GRK5: variants seen among roughly 807,000 people sequenced by gnomAD.
GRK5 encodes g protein-coupled receptor kinase GRK5.
GRK5 carries 40 observed loss-of-function variants against 78.4 expected under a neutral mutation model. The observed-to-expected ratio is 0.51, with a 90% CI of 0.40 to 0.66. GRK5 has a LOEUF of 0.66. Among genes scored for constraint, GRK5 ranks in the 30% least tolerant of loss-of-function variants. The pLI is 0.00. For missense variants in GRK5, 598 were observed against 759.9 expected (o/e 0.79, Z 2.50); for synonymous variants, 289 against 296.8 (o/e 0.97, Z 0.27).
At chr10:119,249,396 GTTAC>G (rs1416879399) in intron 1 of GRK5, among the ~76,000 whole-genome samples, 1 of 152,170 alleles carries the variant, frequency 6.6e-6, no homozygotes, top group Non-Finnish European at 1.5e-5. Context: ...GCTTATCTAA[GTTAC>G]TTAGTACATA....
At chr10:119,261,459 C>T (rs563218657) in intron 1 of GRK5, among the ~76,000 whole-genome samples, 16 of 151,372 alleles carry the variant, frequency 1.1e-4, no homozygotes, top group Admixed American at 4.6e-4. Flanking sequence ...AGACGATGGG[C>T]GGCCAGGCAG....
chr10:119,320,019 A>G (rs562343041), intron 1 of GRK5, among the ~76,000 whole-genome samples: 1 of 152,308 alleles, frequency 6.6e-6, no homozygotes, highest in African/African-American at 2.4e-5. Flanking sequence ...CTGGGAGAGG[A>G]TGTGATCCAG....
chr10:119,251,221 A>G (rs1351402071), intron 1 of GRK5, among the ~76,000 whole-genome samples: 1 of 152,196 alleles, frequency 6.6e-6, no homozygotes, highest in Non-Finnish European at 1.5e-5. Flanking sequence ...TTTACAAGGA[A>G]TGTGAACCAT....
rs369987575 is a variant in GRK5 at position 119,207,984 on chromosome 10, C to T, written c.52+15C>T. 3.1e-6 allele frequency: 5 copies of T among 1,600,822 alleles called. No individual in the cohort carries two copies. In the African/African-American group the frequency reaches 6.8e-5, roughly 22 times the overall value. On this transcript the variant is annotated intron_variant, in intron 1 of 15. Coordinates refer to ENST00000392870, the MANE Select transcript of GRK5 (RefSeq NM_005308.3). ...AGCCAGGGAAGGTAAGAGGCAGGGCCGGTACGTGCCCGGCGCGTCCGCCGC... is the reference window on the plus strand; with the variant it reads ...AGCCAGGGAAGGTAAGAGGCAGGGCTGGTACGTGCCCGGCGCGTCCGCCGC...
chr10:119,232,605 G>A (rs545363642), intron 1 of GRK5, among the ~76,000 whole-genome samples: 203 of 152,230 alleles, frequency 1.3e-3, no homozygotes, highest in African/African-American at 4.6e-3. Context: ...TGCTGTTCTC[G>A]TGATAGTAAG....
intron 2 of GRK5, among the ~76,000 whole-genome samples, chr10:119,337,160 G>A (rs1383499956): frequency 3.9e-5 from 6 of 152,010 alleles, no homozygotes; most frequent in African/African-American, 1.4e-4. Context: ...TTTATATTTG[G>A]GCTTCCGTGT....
In GRK5 at chr10:119,241,785, G is replaced by T. The variant is rs76883959; in HGVS notation, c.52+33816G>T. Among the ~76,000 whole-genome samples, 753 of 152,322 alleles carry T rather than the reference G, an allele frequency of 4.9e-3. 5 individuals are homozygous for T. The highest frequency in any genetic ancestry group is 0.017 in the African/African-American group (716 of 41,568). The stretch of plus-strand genomic sequence containing the variant: ...GCCCTCTTAGGTTCATTGGTTGGGG[G>T]TTACAAATGAAGTTGACAAAAGATT... On this transcript the variant is annotated intron_variant, in intron 1 of 15. Coordinates refer to ENST00000392870, the MANE Select transcript of GRK5 (RefSeq NM_005308.3).
chr10:119,436,740 C>A lies in GRK5; in HGVS notation c.828C>A (p.Tyr276Ter). ...MNGGDLKFHI[Y>*]NMGNPGFEEE... ...GGGGTGACCTGAAGTTCCACATCTA[C>A]AACATGGGCAACCCTGGCTTCGAGG... The change falls in exon 9 of 16, where the codon TAC becomes TAA. Residue 276 changes from tyrosine to a stop codon, truncating the protein, a stop_gained. Coordinates refer to ENST00000392870, the MANE Select transcript of GRK5 (RefSeq NM_005308.3). LOFTEE classifies it high-confidence loss of function. 1 of 1,614,234 alleles carries A rather than the reference C, an allele frequency of 6.2e-7. No individual in the cohort carries two copies. Among genetic ancestry groups the A allele is most frequent in the South Asian group, 1.1e-5 (1 of 91,082 alleles).
At chr10:119,305,894 T>G (rs1432441484) in intron 1 of GRK5, among the ~76,000 whole-genome samples, 2 of 152,152 alleles carry the variant, frequency 1.3e-5, no homozygotes, top group Non-Finnish European at 2.9e-5. Context: ...GCAGAGGAAA[T>G]GACATATGCA....
chr10:119,262,984 TTACTATATCTC>T, intron 1 of GRK5, among the ~76,000 whole-genome samples: 1 of 152,200 alleles, frequency 6.6e-6, no homozygotes, highest in Admixed American at 6.5e-5. Flanking sequence ...GAAATATTTC[TTACTATATCTC>T]TTGGAGATTC....
At chr10:119,249,578 A>C (rs141350517) in intron 1 of GRK5, among the ~76,000 whole-genome samples, 3 of 152,032 alleles carry the variant, frequency 2.0e-5, no homozygotes, top group Admixed American at 6.5e-5. Context: ...GCTCACTGCA[A>C]TCTCCATCTC....
chr10:119,326,144 C>A (rs1850673253), intron 1 of GRK5, among the ~76,000 whole-genome samples: 1 of 152,260 alleles, frequency 6.6e-6, no homozygotes, highest in African/African-American at 2.4e-5. Context: ...GTGCCTCTGC[C>A]CCACAGGGAT....
intron 3 of GRK5, among the ~76,000 whole-genome samples, chr10:119,389,325 G>A (rs1851848825): frequency 6.6e-6 from 1 of 152,172 alleles, no homozygotes; most frequent in African/African-American, 2.4e-5. Flanking sequence ...TGCTTCTCTT[G>A]TTTATGAGAA....
intron 2 of GRK5, chr10:119,334,657 A>T (rs1381536799): frequency 6.6e-6 from 1 of 152,122 alleles, no homozygotes; most frequent in Non-Finnish European, 1.5e-5. Context: ...TGGCATTTTT[A>T]TTTATTTAGC....
intron 1 of GRK5, among the ~76,000 whole-genome samples, chr10:119,325,021 T>TGAGAG (rs1850650045): frequency 6.6e-6 from 1 of 152,140 alleles, no homozygotes; most frequent in South Asian, 2.1e-4. Flanking sequence ...GAAGATGCAA[T>TGAGAG]GAGAGGAGAG....
At chr10:119,275,611 T>TCTCTCTCA in intron 1 of GRK5, among the ~76,000 whole-genome samples, 1 of 123,966 alleles carries the variant, frequency 8.1e-6, no homozygotes, top group African/African-American at 3.5e-5. Flanking sequence ...TCTCTCTCTC[T>TCTCTCTCA]CGCACACACA....
chr10:119,374,191 G>C lies in GRK5; in HGVS notation c.149-6624G>C, dbSNP rs565594613. Among the ~76,000 whole-genome samples, 25 of 152,330 alleles carry C rather than the reference G, an allele frequency of 1.6e-4. No homozygotes were observed. In the South Asian group the frequency reaches 5.0e-3, roughly 30 times the overall value. On this transcript the variant is annotated intron_variant, in intron 2 of 15. Coordinates refer to ENST00000392870, the MANE Select transcript of GRK5 (RefSeq NM_005308.3). ...GGCATGCCAAGAAGGTTTGCAGGTTGAGAAGGGGCTTAGAGGTTATTATTC... is the reference window on the plus strand; with the variant it reads ...GGCATGCCAAGAAGGTTTGCAGGTTCAGAAGGGGCTTAGAGGTTATTATTC...
chr10:119,312,744 C>T (rs897825264), intron 1 of GRK5, among the ~76,000 whole-genome samples: 4 of 152,154 alleles, frequency 2.6e-5, no homozygotes, highest in South Asian at 2.1e-4. Context: ...TCGGGACAGA[C>T]GCTGGCATCA....
rs531130298 is a variant in GRK5 at position 119,317,323 on chromosome 10, A to C, written c.53-9193A>C. Among the ~76,000 whole-genome samples, 8 of 150,714 alleles carry C rather than the reference A, an allele frequency of 5.3e-5. No homozygotes were observed. The East Asian group carries it at 1.6e-3, about 30-fold the overall frequency. ...CAATAAAGGTCCAAGGGTCACCAGA[A>C]GGCAAAGAGGCATTCAGTAGATGGG... On this transcript the variant is annotated intron_variant, in intron 1 of 15. Transcript: ENST00000392870.
Sources: gnomAD v4.1 joint callset for allele counts (sites outside exome capture counted in the v4.1 genomes callset) on GRCh38, gnomAD v4.1.1 for gene constraint, MANE v1.5 for transcripts, NCBI Gene and HGNC (gene_info 2026-07-23, HGNC 2026-07-21) for gene names.